ZBTB46: variants seen among roughly 807,000 people sequenced by gnomAD.
ZBTB46 encodes the protein zinc finger and BTB domain containing 46.
Under a neutral mutation model 44.1 loss-of-function variants are expected in ZBTB46, and 8 were observed. The observed-to-expected ratio is 0.18, with a 90% CI of 0.11 to 0.33. The LOEUF (loss-of-function observed/expected upper bound fraction) is 0.33, where lower values mean the gene tolerates loss of function less well. Among genes scored for constraint, ZBTB46 ranks in the 10% least tolerant of loss-of-function variants. The probability of loss-of-function intolerance (pLI) is 1.00; values close to 1 mark genes in which losing one functional copy is unlikely to be tolerated. For missense variants in ZBTB46, 651 were observed against 847.7 expected (o/e 0.77, Z 2.88); for synonymous variants, 409 against 382.3 (o/e 1.07, Z -0.81).
chr20:63,817,869 C>A (rs1364096757), intron 1 of ZBTB46, among the ~76,000 whole-genome samples: 1 of 152,178 alleles, frequency 6.6e-6, no homozygotes. Context: ...GCTGAAGAGG[C>A]AGGAGGACCC....
chr20:63,769,365 C>T, intron 3 of ZBTB46: 1 of 985,408 alleles, frequency 1.0e-6, no homozygotes, highest in Non-Finnish European at 1.2e-6. Flanking sequence ...ATCAGCGACC[C>T]TCACAAGGGA....
intron 1 of ZBTB46, among the ~76,000 whole-genome samples, chr20:63,806,711 C>T (rs1203615196): frequency 6.6e-6 from 1 of 152,066 alleles, no homozygotes; most frequent in Admixed American, 6.6e-5. Flanking sequence ...CACGTTCAAG[C>T]GATTCTCCTG....
Position 63,775,709 on chromosome 20 carries a change from C to G in ZBTB46, c.1191G>C (p.Glu397Asp). 6.2e-7 allele frequency: 1 copy of G among 1,600,968 alleles called. No homozygotes were observed. The change falls in exon 3 of 5, where the codon GAG becomes GAC. Residue 397 changes from glutamate (E) to aspartate (D), a missense_variant. This residue lies in a region of ZBTB46 where 385 missense variants were observed against 423.3 expected (regional missense o/e 0.91). Coordinates refer to ENST00000245663, the MANE Select transcript of ZBTB46 (RefSeq NM_001369741.1). ...VLGDDGSLLF[E>D]YLPRGAHSLS... ...GCGAGTGGGCCCCTCTGGGCAGGTA[C>G]TCGAACAGCAGGGAGCCGTCATCCC...
In ZBTB46 at chr20:63,747,233, C is replaced by T. The variant is rs745842346; in HGVS notation, c.1467G>A (p.Val489=). The T allele has an allele frequency of 4.8e-5, 76 of 1,588,498 alleles. No homozygotes were observed. The highest frequency in any genetic ancestry group is 6.3e-5 in the Non-Finnish European group (74 of 1,168,364). ...GGCGCCTGGAGCCATGCCTGATGCCCACGCTGGCGGCGGACATGAAGACGC... is the reference window on the plus strand; with the variant it reads ...GGCGCCTGGAGCCATGCCTGATGCCTACGCTGGCGGCGGACATGAAGACGC... ...CSRVFMSAAS[V]GIRHGSRRHG... Residue 489 remains valine (V), a synonymous_variant, in exon 5 of 5, where the codon GTG becomes GTA. Transcript: ENST00000245663.
intron 3 of ZBTB46, among the ~76,000 whole-genome samples, chr20:63,773,633 G>A (rs1601435491): frequency 2.6e-5 from 4 of 152,062 alleles, no homozygotes; most frequent in South Asian, 2.1e-4. Flanking sequence ...ATCCCCCTCC[G>A]ACGGCACCCA....
chr20:63,785,403 A>T, intron 2 of ZBTB46, among the ~76,000 whole-genome samples: 1 of 151,660 alleles, frequency 6.6e-6, no homozygotes, highest in East Asian at 1.9e-4. Flanking sequence ...TCTACTAAAA[A>T]TACAGAAATT....
chr20:63,827,848 C>T (rs1033147938), intron 1 of ZBTB46, among the ~76,000 whole-genome samples: 4 of 151,346 alleles, frequency 2.6e-5, no homozygotes, highest in Non-Finnish European at 4.4e-5. Context: ...ATAAATCATA[C>T]TTAGGTCAAA....
intron 1 of ZBTB46, among the ~76,000 whole-genome samples, chr20:63,811,574 G>A (rs965140480): frequency 6.6e-6 from 1 of 150,956 alleles, no homozygotes; most frequent in Non-Finnish European, 1.5e-5. Context: ...TGCAGAGAGG[G>A]GGTGGCCCAT....
chr20:63,777,756 G>A (rs967480217), intron 2 of ZBTB46, among the ~76,000 whole-genome samples: 13 of 152,182 alleles, frequency 8.5e-5, no homozygotes, highest in African/African-American at 2.9e-4. Context: ...GTCCATCGAT[G>A]GACGAATGGA....
chr20:63,800,946 C>T (rs998395006), intron 1 of ZBTB46, among the ~76,000 whole-genome samples: 4 of 152,366 alleles, frequency 2.6e-5, no homozygotes, highest in African/African-American at 7.2e-5. Flanking sequence ...GCAGGCAGCT[C>T]CACCTGCAGC....
At chr20:63,774,083 A>T (rs1337044016) in intron 3 of ZBTB46, among the ~76,000 whole-genome samples, 3 of 62,528 alleles carry the variant, frequency 4.8e-5, no homozygotes, top group African/African-American at 1.9e-4. Flanking sequence ...AGTTTTTCAG[A>T]TGTGGGAAGT....
Position 63,746,659 on chromosome 20 carries a change from G to T in ZBTB46, c.*271C>A. ...GGCCACTCACACACCCGCACCACCTGCTGGGGACTTAGGACCGTGCTCTCC... is the reference window on the plus strand; with the variant it reads ...GGCCACTCACACACCCGCACCACCTTCTGGGGACTTAGGACCGTGCTCTCC... On this transcript the variant is annotated 3_prime_UTR_variant, in exon 5 of 5. Coordinates refer to ENST00000245663, the MANE Select transcript of ZBTB46 (RefSeq NM_001369741.1). The T allele has an allele frequency of 2.2e-6, 1 of 446,134 alleles. No individual in the cohort carries two copies. The allele number at this position is 446,134 out of a possible 1,614,324, so 27.6% of individuals were successfully genotyped here.
At chr20:63,765,120 CGT>C (rs780310039) in intron 3 of ZBTB46, among the ~76,000 whole-genome samples, 68 of 148,936 alleles carry the variant, frequency 4.6e-4, no homozygotes, top group Non-Finnish European at 6.0e-4. Flanking sequence ...TGTGTGTGTG[CGT>C]GTGTGTGTGT....
At chr20:63,786,766 T>C (rs923024799) in intron 2 of ZBTB46, among the ~76,000 whole-genome samples, 3 of 152,122 alleles carry the variant, frequency 2.0e-5, no homozygotes, top group African/African-American at 2.4e-5. Flanking sequence ...CGCCTTGGCC[T>C]CCCAAAGTGC....
At chr20:63,823,791 T>C (rs982372965) in intron 1 of ZBTB46, among the ~76,000 whole-genome samples, 8 of 152,024 alleles carry the variant, frequency 5.3e-5, no homozygotes, top group South Asian at 2.1e-4. Flanking sequence ...AGTTTTCTCG[T>C]TGTGGTGTCT....
rs77268041 is a variant in ZBTB46, at chr20:63,791,024, C to T, written c.-33-234G>A. 489 of 481,624 alleles carry T rather than the reference C, an allele frequency of 1.0e-3. 1 individual carries two copies. Among genetic ancestry groups the T allele is most frequent in the Non-Finnish European group, 1.1e-3 (299 of 275,722 alleles). 29.8% of individuals were successfully genotyped at this position (481,624 alleles called of 1,614,324 possible). On this transcript the variant is annotated intron_variant, in intron 1 of 4. Transcript: ENST00000245663. ...GGGTGGGACGTCTGCCACGTGTTTCCGTGCTCGAGGCTAATGGGGTTCTGA... is the reference window on the plus strand; with the variant it reads ...GGGTGGGACGTCTGCCACGTGTTTCTGTGCTCGAGGCTAATGGGGTTCTGA...
At chr20:63,831,306 GCGCGCGCGCCCCGCC>G (rs1030390069), upstream of ZBTB46, 1 of 137,642 alleles carries the variant, frequency 7.3e-6, no homozygotes, top group Non-Finnish European at 1.6e-5. Context: ...CGCCGCCCGC[GCGCGCGCGCCCCGCC>G]CGCGGACCCT....
rs2092247342 is a variant in ZBTB46 at position 63,758,735 on chromosome 20, T to G, written c.1223-5874A>C. On this transcript the variant is annotated intron_variant, in intron 3 of 4. Coordinates refer to ENST00000245663, the MANE Select transcript of ZBTB46 (RefSeq NM_001369741.1). ...ATATCAACTTAAGGAGAGTCACATC[T>G]TTTTTTTTTTTTTTTTGAGACAGAG... is the stretch of plus-strand genomic sequence containing the variant. 7.4e-3 allele frequency among the ~76,000 whole-genome samples: 4 copies of G among 542 alleles called. No individual in the cohort carries two copies. In the South Asian group the frequency reaches 0.5, roughly 68 times the overall value. 0.4% of individuals were successfully genotyped at this position (542 alleles called of 152,430 possible).
chr20:63,799,456 T>A (rs2092627493), intron 1 of ZBTB46, among the ~76,000 whole-genome samples: 1 of 152,072 alleles, frequency 6.6e-6, no homozygotes, highest in African/African-American at 2.4e-5. Flanking sequence ...AAGCGATTCT[T>A]GTACCTCAGC....
Sources: allele counts gnomAD v4.1 joint callset (sites outside exome capture counted in the v4.1 genomes callset), GRCh38; gene constraint gnomAD v4.1.1; regional missense constraint gnomAD v4.1.1; transcripts MANE v1.5; gene names NCBI Gene and HGNC (gene_info 2026-07-23, HGNC 2026-07-21).